SAMD12: variants seen among roughly 807,000 people sequenced by gnomAD.
SAMD12 encodes the protein sterile alpha motif domain containing 12.
A neutral mutation model predicts 15.0 loss-of-function variants in SAMD12; 9 were observed. The observed-to-expected ratio is 0.60, with a 90% CI of 0.36 to 1.05. The LOEUF is 1.05. Ranked by LOEUF, SAMD12 falls within the 50% of genes least tolerant of loss-of-function variation. The pLI is 0.01. For missense variants in SAMD12, 230 were observed against 234.2 expected (o/e 0.98, Z 0.12); for synonymous variants, 86 against 90.1 (o/e 0.96, Z 0.25).
chr8:118,277,827 C>A (rs1586412708), intron 4 of SAMD12, among the ~76,000 whole-genome samples: 1 of 152,244 alleles, frequency 6.6e-6, no homozygotes, highest in East Asian at 1.9e-4. Context: ...ATAGTCACTG[C>A]CCTCTCTCCT....
chr8:118,551,403 G>C lies in SAMD12; in HGVS notation c.192+29312C>G, dbSNP rs541645963. On this transcript the variant is annotated intron_variant, in intron 2 of 3. Transcript: ENST00000314727. Reference sequence around the variant, plus strand: ...AAAACCGCTCAACTACATGGAAACTGAACAACCTGCTCCTGAATGACTACT... The same window carrying C: ...AAAACCGCTCAACTACATGGAAACTCAACAACCTGCTCCTGAATGACTACT... Among the ~76,000 whole-genome samples the C allele has an allele frequency of 6.8e-4, 103 of 151,900 alleles. 1 individual carries two copies. The highest frequency in any genetic ancestry group is 4.3e-3 in the Admixed American group (65 of 15,254).
chr8:118,472,203 C>T (rs150548591), intron 2 of SAMD12, among the ~76,000 whole-genome samples: 2,138 of 151,668 alleles, frequency 0.014, 50 homozygotes, highest in African/African-American at 0.048. Context: ...AGGAGTATGG[C>T]GTGAACCCGG....
chr8:118,284,237 A>G (rs1197044774), intron 4 of SAMD12: 1 of 450,124 alleles, frequency 2.2e-6, no homozygotes, highest in East Asian at 7.0e-5. Context: ...TTAAAGGCAG[A>G]TGAAACAATC....
At chr8:118,241,199 C>A (rs2129968781) in intron 4 of SAMD12, among the ~76,000 whole-genome samples, 1 of 152,248 alleles carries the variant, frequency 6.6e-6, no homozygotes, top group African/African-American at 2.4e-5. Context: ...TTAGAAACTT[C>A]TTCTTACTTC....
chr8:118,600,760 T>C (rs1827843020), intron 1 of SAMD12, among the ~76,000 whole-genome samples: 1 of 152,196 alleles, frequency 6.6e-6, no homozygotes, highest in Non-Finnish European at 1.5e-5. Context: ...ATCTTTGTTA[T>C]GCACATTTCT....
chr8:118,499,116 G>C (rs928683312), intron 2 of SAMD12, among the ~76,000 whole-genome samples: 3 of 152,140 alleles, frequency 2.0e-5, no homozygotes, highest in Admixed American at 6.6e-5. Context: ...CAGTATAGAG[G>C]CTCAATTTAT....
chr8:118,480,670 G>T (rs1010600390), intron 2 of SAMD12, among the ~76,000 whole-genome samples: 1 of 152,162 alleles, frequency 6.6e-6, no homozygotes, highest in African/African-American at 2.4e-5. Flanking sequence ...CAACCAGAAT[G>T]ATTTTAAAAA....
At chr8:118,325,563 TTA>T (rs1357230648) in intron 4 of SAMD12, among the ~76,000 whole-genome samples, 1 of 152,204 alleles carries the variant, frequency 6.6e-6, no homozygotes, top group African/African-American at 2.4e-5. Context: ...ACTCACACAG[TTA>T]TCTTTTTTGT....
chr8:118,150,265 T>A, the SAMD12 span, among the ~76,000 whole-genome samples: 12 of 152,250 alleles, frequency 7.9e-5, no homozygotes, highest in Non-Finnish European at 1.8e-4. Context: ...TATATTATAT[T>A]ATTTCACCTG....
intron 4 of SAMD12, among the ~76,000 whole-genome samples, chr8:118,308,876 A>T (rs749693619): frequency 6.6e-6 from 1 of 152,134 alleles, no homozygotes; most frequent in Non-Finnish European, 1.5e-5. Context: ...TATTTTGATT[A>T]TGGTCATGCT....
chr8:118,151,926 T>C, the SAMD12 span, among the ~76,000 whole-genome samples: 1 of 151,712 alleles, frequency 6.6e-6, no homozygotes, highest in Non-Finnish European at 1.5e-5. Context: ...GATATCCAAG[T>C]GGAGTGCAGA....
chr8:118,584,524 G>A (rs1330501428), intron 1 of SAMD12, among the ~76,000 whole-genome samples: 3 of 152,162 alleles, frequency 2.0e-5, no homozygotes, highest in African/African-American at 4.8e-5. Context: ...TGTGCCTGAC[G>A]GATTCCTAGT....
the SAMD12 span, among the ~76,000 whole-genome samples, chr8:118,158,884 G>T: frequency 6.6e-6 from 1 of 152,042 alleles, no homozygotes; most frequent in African/African-American, 2.4e-5. Flanking sequence ...CCTGCAGAAA[G>T]GAGCTACCCA....
At chr8:118,571,832 C>T (rs530222077) in intron 2 of SAMD12, among the ~76,000 whole-genome samples, 2 of 152,300 alleles carry the variant, frequency 1.3e-5, no homozygotes, top group Admixed American at 1.3e-4. Flanking sequence ...AGAACCTCTG[C>T]TAGGACAGTG....
intron 4 of SAMD12, among the ~76,000 whole-genome samples, chr8:118,369,223 G>A (rs1279133825): frequency 6.6e-6 from 1 of 152,124 alleles, no homozygotes; most frequent in Non-Finnish European, 1.5e-5. Flanking sequence ...TAGACCAATG[G>A]AACAGAATAG....
intron 1 of SAMD12, among the ~76,000 whole-genome samples, chr8:118,585,334 T>G (rs536490051): frequency 6.6e-6 from 1 of 152,262 alleles, no homozygotes; most frequent in African/African-American, 2.4e-5. Context: ...GTGTTTCACT[T>G]TGGGATGATG....
intron 4 of SAMD12, among the ~76,000 whole-genome samples, chr8:118,204,938 T>C (rs1208012674): frequency 2.0e-5 from 3 of 152,194 alleles, no homozygotes; most frequent in African/African-American, 7.2e-5. Flanking sequence ...ATGTGTGAAC[T>C]TGATTGGGCC....
chr8:118,572,043 C>T (rs910933740), intron 2 of SAMD12, among the ~76,000 whole-genome samples: 1 of 152,214 alleles, frequency 6.6e-6, no homozygotes, highest in South Asian at 2.1e-4. Context: ...TACATGCAAA[C>T]CCACAGGGGT....
At chr8:118,434,317 G>A (rs187107473) in intron 3 of SAMD12, among the ~76,000 whole-genome samples, 31 of 152,286 alleles carry the variant, frequency 2.0e-4, no homozygotes, top group African/African-American at 6.7e-4. Flanking sequence ...ATTTGTAAGC[G>A]ATACTCATAT....
Sources: allele counts gnomAD v4.1 joint callset (sites outside exome capture counted in the v4.1 genomes callset), GRCh38; gene constraint gnomAD v4.1.1; transcripts MANE v1.5; gene names NCBI Gene and HGNC (gene_info 2026-07-23, HGNC 2026-07-21).